ARPC5L: variants seen among roughly 807,000 people sequenced by gnomAD.
The protein encoded by ARPC5L is actin-related protein 2/3 complex subunit 5-like protein.
ARPC5L carries 4 observed loss-of-function variants against 16.9 expected under a neutral mutation model. The observed-to-expected ratio is 0.24, with a 90% CI of 0.12 to 0.54. The LOEUF (loss-of-function observed/expected upper bound fraction) is 0.54. Among genes scored for constraint, ARPC5L ranks in the 20% least tolerant of loss-of-function variants. The pLI is 0.95. For synonymous variants in ARPC5L, 78 were observed against 82.6 expected (o/e 0.94, Z 0.30); for missense variants, 151 against 201.9 (o/e 0.75, Z 1.53).
chr9:124,876,804 C>CT, intron 5 of ARPC5L, 74 bp from the exon 6 acceptor site: 1 of 1,223,176 alleles, frequency 8.2e-7, no homozygotes, highest in Non-Finnish European at 1.2e-6. Flanking sequence ...AATGTCCCCC[C>CT]TGTCTCTGGC....
Position 124,873,738 on chromosome 9 carries a change from G to A in ARPC5L, c.196G>A (p.Val66Ile), listed in dbSNP as rs779122894. The part of the protein sequence containing the change: ...AFHAALRNSP[V>I]NTKNQAVKER... ...CCATGCAGCCTTGCGGAACTCTCCC[G>A]TCAACACCAAGAATCAAGCTGTGAA... The change falls in exon 4 of 6, where the codon GTC (valine) becomes ATC (isoleucine). Residue 66 changes from valine to isoleucine, a missense_variant. Transcript: ENST00000353214. 3.7e-6 allele frequency: 6 copies of A among 1,614,034 alleles called. No individual in the cohort carries two copies. The highest frequency in any genetic ancestry group is 2.7e-5 in the African/African-American group (2 of 74,922).
intron 5 of ARPC5L, among the ~76,000 whole-genome samples, chr9:124,876,647 G>A (rs901461564): frequency 6.6e-6 from 1 of 152,138 alleles, no homozygotes; most frequent in Non-Finnish European, 1.5e-5. Context: ...TCTGCTTTGT[G>A]TGCTGGTGAC....
At chr9:124,862,970 C>T (rs1039809966) in intron 1 of ARPC5L, among the ~76,000 whole-genome samples, 1 of 151,920 alleles carries the variant, frequency 6.6e-6, no homozygotes, top group Non-Finnish European at 1.5e-5. Flanking sequence ...ACCTCAGTCT[C>T]CCGAGTAGCT....
At position 124,863,348 on chromosome 9, in the gene ARPC5L, G is replaced by A. The variant is rs528312715; in HGVS notation, c.-983-640G>A. On this transcript the variant is annotated intron_variant, in intron 1 of 5. Coordinates refer to ENST00000353214, the MANE Select transcript of ARPC5L (RefSeq NM_030978.3). ...TTTTTGTATTTTTAGTAGAGACAAG[G>A]TTTAGCCAGGCTGGTCTCAAACCCC... is the stretch of plus-strand genomic sequence containing the variant. 5.3e-5 allele frequency among the ~76,000 whole-genome samples: 8 copies of A among 151,992 alleles called. 1 individual carries two copies. Among genetic ancestry groups the A allele is most frequent in the African/African-American group, 1.9e-4 (8 of 41,460 alleles).
Position 124,863,996 on chromosome 9 carries a change from G to C in ARPC5L, c.-975G>C, listed in dbSNP as rs755742665. 6.6e-6 allele frequency: 1 copy of C among 152,166 alleles called. No homozygotes were observed. The highest frequency in any genetic ancestry group is 1.5e-5 in the Non-Finnish European group (1 of 68,040). The allele number at this position is 152,166 out of a possible 1,614,324, so 9.4% of individuals were successfully genotyped here. Reference sequence around the variant, plus strand: ...TGTGTCTATTTCCACAGCCAACCTAGAAGTTCTCTGGGGACAGAACCTTGG... The same window carrying C: ...TGTGTCTATTTCCACAGCCAACCTACAAGTTCTCTGGGGACAGAACCTTGG... On this transcript the variant is annotated 5_prime_UTR_variant, in exon 2 of 6. Transcript: ENST00000353214.
At chr9:124,869,791 C>T (rs1170801752) in intron 3 of ARPC5L, among the ~76,000 whole-genome samples, 2 of 152,212 alleles carry the variant, frequency 1.3e-5, no homozygotes, top group African/African-American at 4.8e-5. Context: ...GCACTCCGTC[C>T]CTCCCTTGCA....
intron 5 of ARPC5L, 71 bp from the exon 6 acceptor site, chr9:124,876,807 T>C: frequency 7.8e-7 from 1 of 1,288,486 alleles, no homozygotes; most frequent in Non-Finnish European, 1.1e-6. Context: ...GTCCCCCCTG[T>C]CTCTGGCAAG....
intron 2 of ARPC5L, among the ~76,000 whole-genome samples, chr9:124,865,129 G>T (rs1351407193): frequency 1.3e-5 from 2 of 152,030 alleles, no homozygotes; most frequent in Admixed American, 6.6e-5. Flanking sequence ...ACTGTACCTG[G>T]CCGGCATAGC....
rs11414499 is a variant in ARPC5L, at chr9:124,865,315, TAAAA to T, written c.-864+1226_-864+1229del. On this transcript the variant is annotated intron_variant, in intron 2 of 5. Transcript: ENST00000353214. ...TGGGTGACAAGAGGGAAACTCTGTC[TAAAA>T]AAAAAAAAAAAAAAAAAGGAAAGTC... 3.7e-5 allele frequency among the ~76,000 whole-genome samples: 4 copies of T among 107,062 alleles called. No individual in the cohort carries two copies. In the South Asian group the frequency reaches 1.3e-3, roughly 36 times the overall value. The allele number at this position is 107,062 out of a possible 152,430, so 70.2% of individuals were successfully genotyped here.
At chr9:124,873,623 T>A in intron 3 of ARPC5L, 69 bp from the exon 4 acceptor site, 1 of 1,566,978 alleles carries the variant, frequency 6.4e-7, no homozygotes, top group Non-Finnish European at 8.8e-7. Flanking sequence ...GAGCTGTTTC[T>A]GAAGTGAGCT....
chr9:124,866,961 A>C (rs932519578), intron 2 of ARPC5L, among the ~76,000 whole-genome samples: 14 of 152,262 alleles, frequency 9.2e-5, no homozygotes, highest in African/African-American at 3.4e-4. Context: ...CATTTGAATT[A>C]AGACTGAGTC....
chr9:124,873,432 C>T lies in ARPC5L; in HGVS notation c.150-260C>T, dbSNP rs117853669. ...AAGTGAGCACAATCCAATTTTACATCAAGTTACCCCTCCAGGACAGTTGCT... is the reference window on the plus strand; with the variant it reads ...AAGTGAGCACAATCCAATTTTACATTAAGTTACCCCTCCAGGACAGTTGCT... On this transcript the variant is annotated intron_variant, in intron 3 of 5. Transcript: ENST00000353214. The T allele has an allele frequency of 7.4e-4, 388 of 523,454 alleles. 6 individuals carry two copies. In the East Asian group the frequency reaches 0.012, roughly 16 times the overall value. The allele number at this position is 523,454 out of a possible 1,614,324, so 32.4% of individuals were successfully genotyped here.
At chr9:124,863,201 C>T (rs1428063779) in intron 1 of ARPC5L, among the ~76,000 whole-genome samples, 2 of 152,106 alleles carry the variant, frequency 1.3e-5, no homozygotes, top group Non-Finnish European at 2.9e-5. Flanking sequence ...GTCGCCTAGG[C>T]TGGAGTGCAG....
At chr9:124,872,596 C>T (rs1187920753) in intron 3 of ARPC5L, 1 of 102,078 alleles carries the variant, frequency 9.8e-6, no homozygotes, top group Non-Finnish European at 2.2e-5. Flanking sequence ...GACTCCGTCT[C>T]AAAAAAAAAA....
chr9:124,866,403 C>CA (rs976521191), intron 2 of ARPC5L, among the ~76,000 whole-genome samples: 16 of 150,768 alleles, frequency 1.1e-4, no homozygotes, highest in East Asian at 5.9e-4. Context: ...GGCTCCATCT[C>CA]AAAAAAAATG....
Position 124,876,938 on chromosome 9 carries a change from T to G in ARPC5L, c.460T>G (p.Ter154GluextTer3). 1 of 1,608,326 alleles carries G rather than the reference T, an allele frequency of 6.2e-7. No homozygotes were observed. The highest frequency in any genetic ancestry group is 8.5e-7 in the Non-Finnish European group (1 of 1,177,310). Reference protein sequence around the residue: ...IRVLTARKTV* With the variant: ...IRVLTARKTVE ...AGTTCTTACAGCAAGAAAGACTGTT[T>G]AAAAAAAATAAAAAGACTCATGTTA... The change falls in exon 6 of 6, where the codon TAA (stop) becomes GAA (glutamate). Residue 154 changes from the stop codon to glutamate (E), a stop_lost. Transcript: ENST00000353214.
intron 2 of ARPC5L, among the ~76,000 whole-genome samples, chr9:124,864,604 T>C (rs7869807): frequency 0.56 from 84,718 of 152,026 alleles, 24,027 homozygotes; most frequent in South Asian, 0.58. Context: ...GGTATTGAAC[T>C]CTTAACCTTG....
intron 5 of ARPC5L, among the ~76,000 whole-genome samples, chr9:124,875,705 C>T (rs1259465735): frequency 6.6e-6 from 1 of 152,174 alleles, no homozygotes; most frequent in African/African-American, 2.4e-5. Flanking sequence ...GAGAGCAAGG[C>T]CTTTGGCAAG....
At chr9:124,876,177 A>G (rs374104397) in intron 5 of ARPC5L, among the ~76,000 whole-genome samples, 2 of 152,188 alleles carry the variant, frequency 1.3e-5, no homozygotes, top group African/African-American at 4.8e-5. Context: ...ATGTAGTGAG[A>G]ACCCATCTCT....
Sources: allele counts gnomAD v4.1 joint callset (sites outside exome capture counted in the v4.1 genomes callset), GRCh38; gene constraint gnomAD v4.1.1; transcripts MANE v1.5; gene names NCBI Gene and HGNC (gene_info 2026-07-23, HGNC 2026-07-21).